The following N4BP2L2 variants were observed in gnomAD, a reference collection of about 807,000 sequenced individuals.
The protein encoded by N4BP2L2 is NEDD4 binding protein 2 like 2.
A neutral mutation model predicts 56.2 loss-of-function variants in N4BP2L2; 50 were observed. The ratio of observed to expected loss-of-function variants is 0.89; its 90% confidence interval spans 0.71 to 1.13. The LOEUF (loss-of-function observed/expected upper bound fraction) is 1.13, where lower values mean the gene tolerates loss of function less well. N4BP2L2 is among the 50% of genes most tolerant of loss of function. The pLI is 0.00. For missense variants in N4BP2L2, 689 were observed against 693.8 expected (o/e 0.99, Z 0.08); for synonymous variants, 203 against 223.6 (o/e 0.91, Z 0.82).
intron 6 of N4BP2L2, among the ~76,000 whole-genome samples, chr13:32,502,358 T>C (rs2090165070): frequency 1.3e-5 from 2 of 152,132 alleles, no homozygotes; most frequent in Admixed American, 6.5e-5. Context: ...ATTACAGGTG[T>C]GAGCCCAGCC....
Position 32,442,535 on chromosome 13 carries a change from GCTTT to G in N4BP2L2, c.1953_1956del (p.Arg651SerfsTer2). The G allele has an allele frequency of 7.4e-6, 12 of 1,613,824 alleles. No homozygotes were observed. The highest frequency in any genetic ancestry group is 1.6e-4 in the Middle Eastern group (1 of 6,062). On this transcript the variant is annotated frameshift_variant, in exon 7 of 10. Coordinates refer to the N4BP2L2 transcript ENST00000357505. LOFTEE classifies it high-confidence loss of function. ...TCCTTAGGTTCTTCCCATCTTTTCA[GCTTT>G]CTATCAAACCTTTCATTTAAAAAGT...
At chr13:32,533,515 ATTTTTTTTTT>A (rs766383227) in intron 2 of N4BP2L2, among the ~76,000 whole-genome samples, 19 of 122,262 alleles carry the variant, frequency 1.6e-4, no homozygotes, top group Admixed American at 3.4e-4. Context: ...AGCATTACTA[ATTTTTTTTTT>A]TTTTTTTTTT....
At chr13:32,471,326 G>C (rs575604815) in intron 6 of N4BP2L2, among the ~76,000 whole-genome samples, 1 of 152,240 alleles carries the variant, frequency 6.6e-6, no homozygotes, top group East Asian at 1.9e-4. Flanking sequence ...GATGTGCTCT[G>C]GTCAAGGAAT....
At chr13:32,486,829 C>A (rs938987193) in intron 6 of N4BP2L2, among the ~76,000 whole-genome samples, 2 of 152,150 alleles carry the variant, frequency 1.3e-5, no homozygotes, top group African/African-American at 2.4e-5. Flanking sequence ...GAAACCATGT[C>A]TCCACTAAAA....
At position 32,437,347 on chromosome 13, in the gene N4BP2L2, G is replaced by A. The variant is rs77043937; in HGVS notation, c.2191-942C>T. ...GAAATGAGTCTACTTTGCCCATAGAGGTGTTTATGAGAACAGTTAAGAAAT... is the reference window on the plus strand; with the variant it reads ...GAAATGAGTCTACTTTGCCCATAGAAGTGTTTATGAGAACAGTTAAGAAAT... On this transcript the variant is annotated intron_variant, in intron 8 of 9. Coordinates refer to the N4BP2L2 transcript ENST00000357505. Among the ~76,000 whole-genome samples the A allele has an allele frequency of 9.9e-3, 1,509 of 152,292 alleles. 9 individuals are homozygous for A. The highest frequency in any genetic ancestry group is 0.017 in the Non-Finnish European group (1,153 of 68,026).
chr13:32,518,946 T>C (rs2139956935), intron 5 of N4BP2L2, among the ~76,000 whole-genome samples: 1 of 152,300 alleles, frequency 6.6e-6, no homozygotes, highest in South Asian at 2.1e-4. Flanking sequence ...TAGTTTTCTG[T>C]AACTTGACCT....
chr13:32,518,345 G>A (rs984381513), intron 5 of N4BP2L2, among the ~76,000 whole-genome samples: 1 of 152,068 alleles, frequency 6.6e-6, no homozygotes, highest in African/African-American at 2.4e-5. Flanking sequence ...AAGATTGAGT[G>A]GACTTCTAGG....
exon 7 of N4BP2L2, chr13:32,443,635 T>C: frequency 6.2e-7 from 1 of 1,611,522 alleles, no homozygotes; most frequent in Non-Finnish European, 8.5e-7. Flanking sequence ...GGTATGCCTA[T>C]TTCTAATATG....
At chr13:32,527,582 T>A in intron 2 of N4BP2L2, 50 bp from the exon 3 acceptor site, 7 of 1,555,886 alleles carry the variant, frequency 4.5e-6, no homozygotes, top group Non-Finnish European at 6.0e-6. Flanking sequence ...TCTATAACCA[T>A]CAGAAATAAA....
intron 6 of N4BP2L2, among the ~76,000 whole-genome samples, chr13:32,502,490 TATAAA>T (rs768766970): frequency 1.1e-4 from 16 of 152,160 alleles, no homozygotes; most frequent in Admixed American, 7.9e-4. Flanking sequence ...TCCACGGCTT[TATAAA>T]ATAAGACTAA....
chr13:32,520,738 G>A (rs779875339), intron 5 of N4BP2L2, among the ~76,000 whole-genome samples: 12 of 151,860 alleles, frequency 7.9e-5, no homozygotes, highest in Admixed American at 2.0e-4. Context: ...GTAAAGATAG[G>A]TACAAATGGA....
intron 6 of N4BP2L2, among the ~76,000 whole-genome samples, chr13:32,451,915 T>TC (rs2078099224): frequency 6.6e-6 from 1 of 151,700 alleles, no homozygotes; most frequent in Non-Finnish European, 1.5e-5. Flanking sequence ...TAAGTTTTTC[T>TC]CCCCCCAGCA....
At chr13:32,489,017 G>A (rs996424093) in intron 6 of N4BP2L2, among the ~76,000 whole-genome samples, 3 of 152,128 alleles carry the variant, frequency 2.0e-5, no homozygotes, top group Admixed American at 2.0e-4. Flanking sequence ...AGGTTGCAGT[G>A]AGCTGAGATT....
intron 6 of N4BP2L2, among the ~76,000 whole-genome samples, chr13:32,498,852 T>C (rs1362303142): frequency 1.3e-5 from 2 of 150,946 alleles, no homozygotes; most frequent in South Asian, 2.1e-4. Context: ...AAAAATTGGC[T>C]GGGCAGGGTG....
chr13:32,535,851 G>A lies in N4BP2L2; in HGVS notation c.1177C>T (p.Gln393Ter). 1 of 1,613,866 alleles carries A rather than the reference G, an allele frequency of 6.2e-7. No individual in the cohort carries two copies. Among genetic ancestry groups the A allele is most frequent in the Non-Finnish European group, 8.5e-7 (1 of 1,179,996 alleles). ...TGCAATTTATTTAACTTTTCCTCTTGAAACTGCTGGTTCACAAACCTGTCT... is the reference window on the plus strand; with the variant it reads ...TGCAATTTATTTAACTTTTCCTCTTAAAACTGCTGGTTCACAAACCTGTCT... The change falls in exon 2 of 6, where the codon CAA (glutamine) becomes TAA (stop). Residue 393 changes from glutamine to a stop codon, truncating the protein, a stop_gained. Transcript: ENST00000267068. LOFTEE classifies it high-confidence loss of function.
At position 32,489,066 on chromosome 13, in the gene N4BP2L2, C is replaced by T. The variant is rs147678508; in HGVS notation, c.365+28791G>A. ...CCAGCCCGGGTGACAGAGCAAGACT[C>T]TGTCTCAGAACAAACAAACAAACAA... On this transcript the variant is annotated intron_variant, in intron 6 of 9. Transcript: ENST00000357505. 3.4e-3 allele frequency among the ~76,000 whole-genome samples: 521 copies of T among 152,298 alleles called. 2 individuals are homozygous for T. The highest frequency in any genetic ancestry group is 5.5e-3 in the Non-Finnish European group (373 of 68,020).
exon 1 of N4BP2L2, chr13:32,538,764 G>A (rs754819502): frequency 1.6e-5 from 16 of 985,310 alleles, no homozygotes; most frequent in Non-Finnish European, 1.8e-5. Context: ...CAGAATCGCG[G>A]TAACAAACCT....
exon 7 of N4BP2L2, chr13:32,442,389 C>T: frequency 6.4e-7 from 1 of 1,573,750 alleles, no homozygotes; most frequent in Non-Finnish European, 8.6e-7. Flanking sequence ...ACAACTTACC[C>T]ATTGGAACGC....
intron 2 of N4BP2L2, among the ~76,000 whole-genome samples, chr13:32,528,209 C>A (rs2053642916): frequency 2.0e-5 from 3 of 152,094 alleles, no homozygotes; most frequent in Admixed American, 2.0e-4. Flanking sequence ...CAACAGGTAA[C>A]CTAAAAAGCA....
Sources: gnomAD v4.1 joint callset for allele counts (sites outside exome capture counted in the v4.1 genomes callset) on GRCh38, gnomAD v4.1.1 for gene constraint, MANE v1.5 for transcripts, NCBI Gene and HGNC (gene_info 2026-07-23, HGNC 2026-07-21) for gene names.